Variants in RIMS2 observed in about 807,000 individuals in gnomAD.
RIMS2 encodes regulating synaptic membrane exocytosis 2.
A neutral mutation model predicts 174.4 loss-of-function variants in RIMS2; 59 were observed. The observed-to-expected ratio is 0.34, with a 90% CI of 0.27 to 0.42. RIMS2 has a LOEUF of 0.42. Among genes scored for constraint, RIMS2 ranks in the 10% least tolerant of loss-of-function variants. The pLI, the probability that RIMS2 is intolerant of heterozygous loss-of-function variation, is 1.00. For synonymous variants in RIMS2, 606 were observed against 572.5 expected (o/e 1.06, Z -0.84); for missense variants, 1,620 against 1,666.3 (o/e 0.97, Z 0.48).
At chr8:103,984,697 G>T (rs1023013468) in intron 16 of RIMS2, among the ~76,000 whole-genome samples, 1 of 152,120 alleles carries the variant, frequency 6.6e-6, no homozygotes, top group African/African-American at 2.4e-5. Flanking sequence ...CCCACTGGTG[G>T]GTATATACCC....
At chr8:103,619,763 C>T (rs2095592588) in intron 1 of RIMS2, among the ~76,000 whole-genome samples, 1 of 152,050 alleles carries the variant, frequency 6.6e-6, no homozygotes, top group African/African-American at 2.4e-5. Flanking sequence ...AAAGCTACCA[C>T]TACTACTGCT....
At chr8:104,167,914 G>C (rs758766313) in intron 19 of RIMS2, among the ~76,000 whole-genome samples, 1 of 152,048 alleles carries the variant, frequency 6.6e-6, no homozygotes, top group Non-Finnish European at 1.5e-5. Flanking sequence ...ACCATTTATT[G>C]AATAGGGTGT....
At chr8:104,133,271 A>G (rs1343466400) in intron 19 of RIMS2, among the ~76,000 whole-genome samples, 2 of 152,200 alleles carry the variant, frequency 1.3e-5, no homozygotes, top group East Asian at 3.8e-4. Flanking sequence ...GTTGTTTACA[A>G]AGACAAATGG....
At chr8:103,874,563 A>G (rs140352669) in intron 3 of RIMS2, among the ~76,000 whole-genome samples, 70 of 152,206 alleles carry the variant, frequency 4.6e-4, no homozygotes, top group African/African-American at 1.6e-3. Context: ...GAATAGATTT[A>G]AATTAAAGGC....
chr8:103,626,381 C>G (rs1323761657), intron 1 of RIMS2, among the ~76,000 whole-genome samples: 1 of 151,946 alleles, frequency 6.6e-6, no homozygotes, highest in Non-Finnish European at 1.5e-5. Flanking sequence ...ATTGAAGAAG[C>G]AATATACTAG....
intron 19 of RIMS2, among the ~76,000 whole-genome samples, chr8:104,069,143 C>T (rs2097154068): frequency 6.6e-6 from 1 of 152,300 alleles, no homozygotes; most frequent in Middle Eastern, 3.4e-3. Flanking sequence ...ATTACATGAG[C>T]TATTCCATAC....
chr8:104,006,626 TTCTCTCTCTC>T (rs55665972), intron 17 of RIMS2, among the ~76,000 whole-genome samples: 9,251 of 138,130 alleles, frequency 0.067, 296 homozygotes, highest in Non-Finnish European at 0.075. Flanking sequence ...AGTGATCTAT[TTCTCTCTCTC>T]TCTCTCTCTC....
intron 1 of RIMS2, among the ~76,000 whole-genome samples, chr8:103,510,985 A>G (rs1447055612): frequency 2.6e-5 from 4 of 152,154 alleles, no homozygotes; most frequent in Non-Finnish European, 2.9e-5. Flanking sequence ...TTATTTTTTA[A>G]AAAGTATTTT....
intron 14 of RIMS2, among the ~76,000 whole-genome samples, chr8:103,960,653 A>G (rs1174124075): frequency 6.6e-6 from 1 of 152,174 alleles, no homozygotes; most frequent in South Asian, 2.1e-4. Context: ...ATGCATTTGA[A>G]TATAACACAT....
chr8:104,163,135 G>T (rs554821832), intron 19 of RIMS2, among the ~76,000 whole-genome samples: 1 of 152,226 alleles, frequency 6.6e-6, no homozygotes, highest in South Asian at 2.1e-4. Flanking sequence ...AAAACTGTCT[G>T]GCATTGCAGA....
chr8:103,565,401 A>C (rs746665239), intron 1 of RIMS2, among the ~76,000 whole-genome samples: 1 of 151,632 alleles, frequency 6.6e-6, no homozygotes, highest in Non-Finnish European at 1.5e-5. Context: ...ACTGCCTGGG[A>C]TCAGGTGATC....
chr8:104,038,823 C>A (rs2096561888), intron 19 of RIMS2, among the ~76,000 whole-genome samples: 1 of 151,654 alleles, frequency 6.6e-6, no homozygotes, highest in South Asian at 2.1e-4. Flanking sequence ...TTAAATATAT[C>A]TGATACAACT....
chr8:103,755,078 T>C (rs1048159525), intron 2 of RIMS2, among the ~76,000 whole-genome samples: 1 of 152,202 alleles, frequency 6.6e-6, no homozygotes, highest in African/African-American at 2.4e-5. Context: ...GGTTGTTCCT[T>C]TCCATGTTTA....
At chr8:103,728,889 G>A (rs1208827861) in intron 2 of RIMS2, among the ~76,000 whole-genome samples, 2 of 151,202 alleles carry the variant, frequency 1.3e-5, no homozygotes, top group Admixed American at 6.6e-5. Context: ...ATTGATTTAC[G>A]TTTGTTGAGC....
chr8:103,848,181 G>A (rs2098978076), intron 3 of RIMS2, among the ~76,000 whole-genome samples: 1 of 152,082 alleles, frequency 6.6e-6, no homozygotes, highest in East Asian at 1.9e-4. Flanking sequence ...TGGATAACCA[G>A]GTTGTGAACT....
chr8:103,695,571 C>T (rs2097090823), intron 1 of RIMS2, among the ~76,000 whole-genome samples: 1 of 151,764 alleles, frequency 6.6e-6, no homozygotes, highest in African/African-American at 2.4e-5. Context: ...TTTTAAGTTC[C>T]ATGCAGTGAA....
intron 2 of RIMS2, among the ~76,000 whole-genome samples, chr8:103,763,537 A>G (rs2098135257): frequency 6.6e-6 from 1 of 151,976 alleles, no homozygotes; most frequent in South Asian, 2.1e-4. Context: ...GGGATACGGA[A>G]TAAGGGAGGG....
At chr8:104,209,834 A>G (rs542254148) in intron 19 of RIMS2, among the ~76,000 whole-genome samples, 1 of 152,354 alleles carries the variant, frequency 6.6e-6, no homozygotes, top group Non-Finnish European at 1.5e-5. Flanking sequence ...GATTTGACTC[A>G]ATAGTTAGAC....
At chr8:104,151,452 C>G (rs1197480243) in intron 19 of RIMS2, among the ~76,000 whole-genome samples, 2 of 152,014 alleles carry the variant, frequency 1.3e-5, no homozygotes, top group Non-Finnish European at 2.9e-5. Flanking sequence ...GCCTGTAGTC[C>G]CAGCTACACT....
Sources: gnomAD v4.1 joint callset for allele counts (sites outside exome capture counted in the v4.1 genomes callset) on GRCh38, gnomAD v4.1.1 for gene constraint, MANE v1.5 for transcripts, NCBI Gene and HGNC (gene_info 2026-07-23, HGNC 2026-07-21) for gene names.